Variants in CAMK1D observed in about 807,000 individuals in gnomAD.
The protein encoded by CAMK1D is calcium/calmodulin-dependent protein kinase type 1D.
CAMK1D carries 9 observed loss-of-function variants against 47.7 expected under a neutral mutation model. That is an observed-to-expected ratio of 0.19 (90% confidence interval 0.11 to 0.33). The LOEUF (loss-of-function observed/expected upper bound fraction) is 0.33. CAMK1D is among the 10% of genes least tolerant of loss of function. The pLI is 1.00. For synonymous variants in CAMK1D, 184 were observed against 184.9 expected (o/e 0.99, Z 0.04); for missense variants, 291 against 488.7 (o/e 0.60, Z 3.81).
chr10:12,770,507 G>A (rs1298062357), intron 5 of CAMK1D, among the ~76,000 whole-genome samples: 1 of 152,230 alleles, frequency 6.6e-6, no homozygotes, highest in Non-Finnish European at 1.5e-5. Flanking sequence ...GCAAATGTAT[G>A]TAAAGTTGCT....
At chr10:12,396,798 G>T (rs145919360) in intron 1 of CAMK1D, among the ~76,000 whole-genome samples, 1 of 152,104 alleles carries the variant, frequency 6.6e-6, no homozygotes, top group East Asian at 1.9e-4. Flanking sequence ...CCATGTCCAC[G>T]TCCACTGGGC....
At chr10:12,662,946 T>G (rs184421209) in intron 2 of CAMK1D, among the ~76,000 whole-genome samples, 100 of 152,240 alleles carry the variant, frequency 6.6e-4, no homozygotes, top group Non-Finnish European at 1.3e-3. Context: ...TTGTTTTTTT[T>G]GTTTGTTTGT....
At chr10:12,646,219 T>G (rs1239668002) in intron 2 of CAMK1D, among the ~76,000 whole-genome samples, 1 of 152,212 alleles carries the variant, frequency 6.6e-6, no homozygotes, top group South Asian at 2.1e-4. Flanking sequence ...AGTAATTTCC[T>G]AAAATGTTAG....
At chr10:12,514,417 A>G (rs1040732497) in intron 1 of CAMK1D, among the ~76,000 whole-genome samples, 1 of 152,256 alleles carries the variant, frequency 6.6e-6, no homozygotes, top group Non-Finnish European at 1.5e-5. Context: ...AATGATGAAA[A>G]GAATAATGTC....
At chr10:12,440,286 AT>A (rs5783268) in intron 1 of CAMK1D, among the ~76,000 whole-genome samples, 75,704 of 135,368 alleles carry the variant, frequency 0.56, 19,671 homozygotes, top group South Asian at 0.67. Flanking sequence ...GTCTTTTTGG[AT>A]TTTTTTTTTT....
chr10:12,458,033 G>T (rs1430602976), intron 1 of CAMK1D, among the ~76,000 whole-genome samples: 1 of 152,160 alleles, frequency 6.6e-6, no homozygotes, highest in Non-Finnish European at 1.5e-5. Context: ...AATCAGCCAG[G>T]GAATGCCTTT....
intron 1 of CAMK1D, among the ~76,000 whole-genome samples, chr10:12,382,358 C>T (rs1838370024): frequency 6.6e-6 from 1 of 151,860 alleles, no homozygotes; most frequent in African/African-American, 2.4e-5. Context: ...GTATGCATCA[C>T]ACTTGTTTAT....
At chr10:12,745,243 G>A (rs563481615) in intron 3 of CAMK1D, among the ~76,000 whole-genome samples, 2 of 152,230 alleles carry the variant, frequency 1.3e-5, no homozygotes, top group Non-Finnish European at 2.9e-5. Context: ...TGTTAGCCAG[G>A]ATGGTCTCGA....
chr10:12,610,235 G>A (rs1025458296), intron 2 of CAMK1D, among the ~76,000 whole-genome samples: 8 of 152,280 alleles, frequency 5.3e-5, no homozygotes, highest in South Asian at 2.1e-4. Context: ...CCTGATCTCC[G>A]GAGTCATGGT....
intron 3 of CAMK1D, among the ~76,000 whole-genome samples, chr10:12,678,257 G>T (rs1391565826): frequency 6.6e-6 from 1 of 152,150 alleles, no homozygotes; most frequent in Non-Finnish European, 1.5e-5. Flanking sequence ...CCCAGTGGTT[G>T]TTTAATAGTA....
chr10:12,786,291 C>T (rs10906223), intron 5 of CAMK1D, among the ~76,000 whole-genome samples: 28,294 of 152,036 alleles, frequency 0.19, 3,108 homozygotes, highest in East Asian at 0.46. Context: ...ACAGTTAAGA[C>T]GGTCACCAGA....
chr10:12,714,072 A>G (rs1391645738), intron 3 of CAMK1D, among the ~76,000 whole-genome samples: 1 of 152,188 alleles, frequency 6.6e-6, no homozygotes, highest in Non-Finnish European at 1.5e-5. Flanking sequence ...CTGTAAGGAC[A>G]TCCCTGCCAC....
intron 1 of CAMK1D, among the ~76,000 whole-genome samples, chr10:12,464,008 C>A (rs1833516927): frequency 6.6e-6 from 1 of 152,122 alleles, no homozygotes; most frequent in South Asian, 2.1e-4. Flanking sequence ...CCCGAGGCCT[C>A]CCCAGCCATG....
chr10:12,742,374 A>G (rs972916837), intron 3 of CAMK1D, among the ~76,000 whole-genome samples: 1 of 152,058 alleles, frequency 6.6e-6, no homozygotes, highest in African/African-American at 2.4e-5. Context: ...GGCTCAGGCA[A>G]TCCGCCTGCC....
intron 2 of CAMK1D, among the ~76,000 whole-genome samples, chr10:12,559,706 A>C (rs1207903910): frequency 6.6e-6 from 1 of 152,182 alleles, no homozygotes; most frequent in African/African-American, 2.4e-5. Context: ...GGCACCAGCC[A>C]CTGACTGGGC....
chr10:12,409,164 A>G (rs76779590), intron 1 of CAMK1D, among the ~76,000 whole-genome samples: 7,934 of 151,796 alleles, frequency 0.052, 256 homozygotes, highest in East Asian at 0.064. Context: ...GTTTTTGTCC[A>G]TTTTTTACCT....
At chr10:12,464,059 A>T (rs1833518949) in intron 1 of CAMK1D, among the ~76,000 whole-genome samples, 1 of 152,074 alleles carries the variant, frequency 6.6e-6, no homozygotes, top group South Asian at 2.1e-4. Context: ...TTTATAAATC[A>T]CTCAGACTCA....
At chr10:12,359,365 G>A (rs1325283035) in intron 1 of CAMK1D, among the ~76,000 whole-genome samples, 1 of 152,208 alleles carries the variant, frequency 6.6e-6, no homozygotes, top group Non-Finnish European at 1.5e-5. Context: ...GGCCCGCTGA[G>A]CCATTCAACA....
chr10:12,748,716 A>C (rs752555204), intron 3 of CAMK1D, among the ~76,000 whole-genome samples: 2 of 152,202 alleles, frequency 1.3e-5, no homozygotes, highest in African/African-American at 4.8e-5. Flanking sequence ...CAAAATGTCC[A>C]TTAGTCCATC....
Sources: allele counts gnomAD v4.1 joint callset (sites outside exome capture counted in the v4.1 genomes callset), GRCh38; gene constraint gnomAD v4.1.1; transcripts MANE v1.5; gene names NCBI Gene and HGNC (gene_info 2026-07-23, HGNC 2026-07-21).